Variants in CELF2 observed in about 807,000 individuals in gnomAD.
CELF2 encodes CUGBP Elav-like family member 2, also known as CUG triplet repeat RNA-binding protein 2.
CELF2 carries 8 observed loss-of-function variants against 62.6 expected under a neutral mutation model. The ratio of observed to expected loss-of-function variants is 0.13; its 90% CI spans 0.07 to 0.23. The LOEUF (loss-of-function observed/expected upper bound fraction) is 0.23. Among genes scored for constraint, CELF2 ranks in the 10% least tolerant of loss-of-function variants. CELF2 has a pLI of 1.00. For synonymous variants in CELF2, 258 were observed against 250.0 expected, an observed-to-expected ratio of 1.03 and a Z score of -0.30; for missense variants, 333 against 671.0, an observed-to-expected ratio of 0.50 and a Z score of 5.56.
chr10:10,878,827 A>G (rs965702535), intron 1 of CELF2, among the ~76,000 whole-genome samples: 1 of 152,238 alleles, frequency 6.6e-6, no homozygotes, highest in Non-Finnish European at 1.5e-5. Context: ...GCATTGTTAC[A>G]GCATCTTCTC....
the CELF2 span, among the ~76,000 whole-genome samples, chr10:10,598,350 G>T: frequency 3.9e-5 from 6 of 152,160 alleles, no homozygotes; most frequent in African/African-American, 1.4e-4. Context: ...GAGGGGCTTT[G>T]TTATTTTTCT....
At chr10:10,535,908 T>A in the CELF2 span, among the ~76,000 whole-genome samples, 265 of 152,114 alleles carry the variant, frequency 1.7e-3, 1 homozygote, top group African/African-American at 6.2e-3. Context: ...CCACATAAAG[T>A]GAGCAAACCT....
At chr10:10,621,768 C>T in the CELF2 span, among the ~76,000 whole-genome samples, 5 of 152,074 alleles carry the variant, frequency 3.3e-5, no homozygotes, top group Non-Finnish European at 7.4e-5. Context: ...AGATAGCAAA[C>T]TCACATCAAA....
At chr10:11,150,464 T>G (rs527642024) in intron 1 of CELF2, among the ~76,000 whole-genome samples, 1 of 152,240 alleles carries the variant, frequency 6.6e-6, no homozygotes, top group African/African-American at 2.4e-5. Context: ...TTAGTTTCTT[T>G]TGTTTGATTG....
At chr10:11,013,414 T>A (rs1208267649), upstream of CELF2, among the ~76,000 whole-genome samples, 3 of 152,158 alleles carry the variant, frequency 2.0e-5, no homozygotes, top group Non-Finnish European at 4.4e-5. The surrounding 1 kb of genome is among the most constrained non-coding windows in gnomAD (Gnocchi z 4.1). Flanking sequence ...TTCATTCCCT[T>A]GGATTGGAAG....
intron 1 of CELF2, among the ~76,000 whole-genome samples, chr10:10,799,186 A>G (rs1459602538): frequency 6.6e-6 from 1 of 152,194 alleles, no homozygotes; most frequent in Non-Finnish European, 1.5e-5. Flanking sequence ...TTCAGATAGA[A>G]GAGCGAAATT....
chr10:11,031,770 T>G (rs1305087241), intron 1 of CELF2, among the ~76,000 whole-genome samples: 1 of 152,178 alleles, frequency 6.6e-6, no homozygotes, highest in Non-Finnish European at 1.5e-5. Context: ...CACTCCACCC[T>G]CATTATAAGG....
chr10:10,655,228 A>G, the CELF2 span, among the ~76,000 whole-genome samples: 26 of 142,550 alleles, frequency 1.8e-4, no homozygotes, highest in Non-Finnish European at 3.4e-4. Flanking sequence ...GAGGATACAA[A>G]CAAATGGAAG....
At chr10:10,862,455 G>A (rs1286274224) in intron 1 of CELF2, among the ~76,000 whole-genome samples, 2 of 152,156 alleles carry the variant, frequency 1.3e-5, no homozygotes, top group African/African-American at 4.8e-5. Context: ...CCTCTTTGTG[G>A]ACTTTCCAAT....
upstream of CELF2, among the ~76,000 whole-genome samples, chr10:11,000,969 T>C (rs958363711): frequency 1.3e-5 from 2 of 152,236 alleles, no homozygotes; most frequent in African/African-American, 4.8e-5. Context: ...ACCCTTCTTC[T>C]GCAGTTGATA....
At chr10:11,056,531 A>G (rs1036913868) in intron 1 of CELF2, among the ~76,000 whole-genome samples, 1 of 152,266 alleles carries the variant, frequency 6.6e-6, no homozygotes, top group Non-Finnish European at 1.5e-5. Context: ...GAGAGCAAGA[A>G]AGATGGATGT....
At chr10:10,594,040 G>C in the CELF2 span, among the ~76,000 whole-genome samples, 2 of 152,184 alleles carry the variant, frequency 1.3e-5, no homozygotes, top group Non-Finnish European at 2.9e-5. Flanking sequence ...GCAGATGATG[G>C]GCTGGGAGCA....
rs149723467 is a variant in CELF2, at chr10:10,914,667, A to G, written c.54-5297A>G. On this transcript the variant is annotated intron_variant, in intron 1 of 13. Transcript: ENST00000636488. ...TGGTGTGGTGTTACTTTGACATCTG[A>G]GACACAGAGACCCTGAAGAGGTCAA... 5.6e-3 allele frequency among the ~76,000 whole-genome samples: 855 copies of G among 152,250 alleles called. 2 individuals are homozygous for G. The highest frequency in any genetic ancestry group is 7.1e-3 in the Non-Finnish European group (482 of 68,006).
intron 1 of CELF2, among the ~76,000 whole-genome samples, chr10:10,856,012 A>G (rs577077095): frequency 5.3e-5 from 8 of 152,308 alleles, no homozygotes; most frequent in Non-Finnish European, 1.2e-4. Flanking sequence ...GTATTTGGGA[A>G]GAAAAGAACT....
At chr10:10,630,987 G>C in the CELF2 span, among the ~76,000 whole-genome samples, 2 of 152,068 alleles carry the variant, frequency 1.3e-5, no homozygotes, top group Non-Finnish European at 2.9e-5. Flanking sequence ...AGTTGCCAGG[G>C]GAGCTCTAAT....
chr10:11,161,530 ATG>A (rs1490302806), intron 1 of CELF2, among the ~76,000 whole-genome samples: 1 of 152,240 alleles, frequency 6.6e-6, no homozygotes, highest in East Asian at 1.9e-4. Context: ...GGAAAAGTCA[ATG>A]TATCTCTGAC....
At chr10:11,258,978 C>G (rs1295159045) in intron 5 of CELF2, among the ~76,000 whole-genome samples, 1 of 152,226 alleles carries the variant, frequency 6.6e-6, no homozygotes, top group Non-Finnish European at 1.5e-5. Context: ...GCCACCGCAC[C>G]CAGCCTGTGT....
At chr10:11,194,614 G>GA (rs2056930530) in intron 2 of CELF2, among the ~76,000 whole-genome samples, 1 of 152,170 alleles carries the variant, frequency 6.6e-6, no homozygotes, top group Non-Finnish European at 1.5e-5. Context: ...CCGTAGCCTT[G>GA]AAATGCACTC....
At position 10,988,815 on chromosome 10, in the gene CELF2, A is replaced by G. The variant is rs1355376205; in HGVS notation, c.89+68816A>G. ...GAGATGAGCAAGGGCACAAACTGTC[A>G]TCATTCACGAAATAATGTACTGGAA... On this transcript the variant is annotated intron_variant, in intron 2 of 13. Coordinates refer to the CELF2 transcript ENST00000636488. Among the ~76,000 whole-genome samples, 8 of 152,202 alleles carry G rather than the reference A, an allele frequency of 5.3e-5. No individual in the cohort carries two copies. The East Asian group carries it at 1.3e-3, about 26-fold the overall frequency.
Sources: gnomAD v4.1 joint callset for allele counts (sites outside exome capture counted in the v4.1 genomes callset) on GRCh38, gnomAD v4.1.1 for gene constraint, Gnocchi (gnomAD v3.1) non-coding constraint, MANE v1.5 for transcripts, NCBI Gene and HGNC (gene_info 2026-07-23, HGNC 2026-07-21) for gene names.